ZNF141: variants seen among roughly 807,000 people sequenced by gnomAD.
The protein encoded by ZNF141 is zinc finger protein 141 (clone pHZ-44).
A neutral mutation model predicts 11.3 loss-of-function variants in ZNF141; 7 were observed. The ratio of observed to expected loss-of-function variants is 0.62; its 90% CI spans 0.35 to 1.16. The LOEUF (loss-of-function observed/expected upper bound fraction) is 1.16, where lower values mean the gene tolerates loss of function less well. Among genes scored for constraint, ZNF141 ranks in the 50% most tolerant of loss-of-function variants. The probability of loss-of-function intolerance (pLI) is 0.02; values close to 1 mark genes in which losing one functional copy is unlikely to be tolerated. For missense variants in ZNF141, 535 were observed against 554.0 expected (o/e 0.97, Z 0.34); for synonymous variants, 183 against 190.7 (o/e 0.96, Z 0.33).
rs1721120658 is a variant in ZNF141, at chr4:342,954, G to A, written c.4-828G>A. 23 of 1,512,296 alleles carry A rather than the reference G, an allele frequency of 1.5e-5. 1 individual carries two copies. Among genetic ancestry groups the A allele is most frequent in the Middle Eastern group, 2.0e-4 (1 of 5,128 alleles). 93.7% of individuals were successfully genotyped at this position (1,512,296 alleles called of 1,614,324 possible). A position where few individuals can be genotyped will look rare whatever the true frequency, so the allele number is the denominator to read the frequency against. ...CTACTTCAATTATCTCCTGATCCAA[G>A]GCTGAGACCTTATTTTTTAAAATCA... On this transcript the variant is annotated intron_variant, in intron 1 of 3. Transcript: ENST00000240499.
In ZNF141 at chr4:376,498, T is replaced by C. The variant is rs1712370653; in HGVS notation, c.*2636T>C. On this transcript the variant is annotated 3_prime_UTR_variant, in exon 4 of 4. Coordinates refer to ENST00000240499, the MANE Select transcript of ZNF141 (RefSeq NM_003441.4). ...TTAATTATTTCTAAATGTACAATTA[T>C]GATTGTAGTATTATATCAGTATAAT... is the stretch of plus-strand genomic sequence containing the variant. 1.3e-5 allele frequency among the ~76,000 whole-genome samples: 2 copies of C among 152,130 alleles called. No individual in the cohort carries two copies. Among genetic ancestry groups the C allele is most frequent in the African/African-American group, 4.8e-5 (2 of 41,472 alleles).
intron 2 of ZNF141, 150 bp downstream of exon 2, chr4:344,058 G>C: frequency 8.4e-7 from 1 of 1,183,786 alleles, no homozygotes; most frequent in South Asian, 1.7e-5. Flanking sequence ...CTAGGTTAGT[G>C]GTAATTCTAG....
At chr4:360,722 T>C (rs564446154) in intron 3 of ZNF141, among the ~76,000 whole-genome samples, 1 of 152,290 alleles carries the variant, frequency 6.6e-6, no homozygotes, top group South Asian at 2.1e-4. Context: ...TAAAAAAATA[T>C]ACATAAATAT....
chr4:362,364 C>T (rs950569616), intron 3 of ZNF141, among the ~76,000 whole-genome samples: 1 of 152,174 alleles, frequency 6.6e-6, no homozygotes, highest in Non-Finnish European at 1.5e-5. Context: ...TTTTGCTGTG[C>T]AGAAGCTCTT....
At chr4:348,948 G>A (rs912773439) in intron 3 of ZNF141, among the ~76,000 whole-genome samples, 2 of 151,942 alleles carry the variant, frequency 1.3e-5, no homozygotes, top group South Asian at 2.1e-4. Flanking sequence ...AATGGAATAT[G>A]TTTCCATTTA....
rs192145702 is a variant in ZNF141, at chr4:367,638, T to C, written c.227-5026T>C. Among the ~76,000 whole-genome samples the C allele has an allele frequency of 1.6e-3, 248 of 151,786 alleles. 1 individual carries two copies. The highest frequency in any genetic ancestry group is 5.9e-3 in the African/African-American group (244 of 41,362). On this transcript the variant is annotated intron_variant, in intron 3 of 3. Transcript: ENST00000240499. ...TTCAAGCGATTCTTCTGCCTCAGCC[T>C]CCTGAGTAGCTGGGATTACAGGTGC...
intron 3 of ZNF141, among the ~76,000 whole-genome samples, chr4:371,132 A>T (rs186141232): frequency 3.4e-4 from 51 of 148,542 alleles, no homozygotes; most frequent in African/African-American, 9.3e-4. Context: ...ATATATATAT[A>T]TATTTTAATT....
chr4:366,473 T>C (rs1711747280), intron 3 of ZNF141, among the ~76,000 whole-genome samples: 1 of 151,654 alleles, frequency 6.6e-6, no homozygotes, highest in Admixed American at 6.6e-5. Context: ...CCCACTAATT[T>C]TTGTATTTTT....
chr4:372,116 G>A (rs1466463103), intron 3 of ZNF141, among the ~76,000 whole-genome samples: 3 of 152,154 alleles, frequency 2.0e-5, no homozygotes, highest in African/African-American at 7.2e-5. Flanking sequence ...CTAATCACTT[G>A]TTCTACGTGT....
Position 337,853 on chromosome 4 carries a change from C to T in ZNF141, c.-131C>T, listed in dbSNP as rs996489739. ...CTACTACCAGACCGCGGGTTAGGGG[C>T]TTCATCTCTCTGCGTTCTCAGTTGT... On this transcript the variant is annotated 5_prime_UTR_variant, in exon 1 of 4. Transcript: ENST00000240499. 3 of 1,263,582 alleles carry T rather than the reference C, an allele frequency of 2.4e-6. No individual in the cohort carries two copies. The highest frequency in any genetic ancestry group is 1.7e-5 in the Admixed American group (1 of 57,634). The allele number at this position is 1,263,582 out of a possible 1,614,324, so 78.3% of individuals were successfully genotyped here.
chr4:343,604 A>G (rs1337622007), intron 1 of ZNF141, among the ~76,000 whole-genome samples, 178 bp from the exon 2 acceptor site: 1 of 151,594 alleles, frequency 6.6e-6, no homozygotes, highest in Non-Finnish European at 1.5e-5. Context: ...GGGCACATGT[A>G]GTCCCAGCTA....
chr4:377,392 C>T lies in ZNF141; in HGVS notation c.*3530C>T, dbSNP rs186232565. The stretch of plus-strand genomic sequence containing the variant: ...GCATTAATTGTGCATGTGGAGAGGA[C>T]GTCTGTTCTCAGGCTGCAGAACCAA... On this transcript the variant is annotated 3_prime_UTR_variant, in exon 4 of 4. Coordinates refer to ENST00000240499, the MANE Select transcript of ZNF141 (RefSeq NM_003441.4). Among the ~76,000 whole-genome samples the T allele has an allele frequency of 2.1e-3, 318 of 152,262 alleles. No homozygotes were observed. Among genetic ancestry groups the T allele is most frequent in the Non-Finnish European group, 3.7e-3 (253 of 68,016 alleles).
chr4:343,917 A>T lies in ZNF141; in HGVS notation c.130+9A>T. On this transcript the variant is annotated intron_variant, in intron 2 of 3. Transcript: ENST00000240499. ...GAACCTGGTCTCCCTGGGTGAGGAT[A>T]ACTTCAATACATAATTCCTAATTTT... is the stretch of plus-strand genomic sequence containing the variant. 2 of 1,590,024 alleles carry T rather than the reference A, an allele frequency of 1.3e-6. No individual in the cohort carries two copies. The highest frequency in any genetic ancestry group is 2.7e-5 in the African/African-American group (2 of 73,168).
intron 3 of ZNF141, among the ~76,000 whole-genome samples, chr4:353,636 A>G (rs961766433): frequency 1.3e-5 from 2 of 151,444 alleles, no homozygotes; most frequent in Non-Finnish European, 2.9e-5. Context: ...AATTTTTTGT[A>G]TTTTTAGTAG....
chr4:363,938 A>G (rs923242464), intron 3 of ZNF141, among the ~76,000 whole-genome samples: 6 of 151,958 alleles, frequency 3.9e-5, no homozygotes, highest in African/African-American at 7.3e-5. Context: ...TTCTGCATCT[A>G]TTGAGACAAT....
chr4:346,896 G>A (rs201662903), intron 3 of ZNF141, among the ~76,000 whole-genome samples: 5,111 of 128,780 alleles, frequency 0.04, 312 homozygotes, highest in Non-Finnish European at 0.055. Context: ...CACACACACC[G>A]CCCCCCCCAT....
At chr4:347,662 T>C (rs984248665) in intron 3 of ZNF141, among the ~76,000 whole-genome samples, 2 of 151,754 alleles carry the variant, frequency 1.3e-5, no homozygotes, top group African/African-American at 4.8e-5. Flanking sequence ...TTTTATTCTT[T>C]ACTGTATTTT....
At chr4:339,055 C>G (rs1553848024) in intron 1 of ZNF141, among the ~76,000 whole-genome samples, 1 of 152,222 alleles carries the variant, frequency 6.6e-6, no homozygotes, top group East Asian at 1.9e-4. Context: ...TGCTGCCAGC[C>G]CCCACCCAAT....
rs184856584 is a variant in ZNF141, at chr4:376,056, T to C, written c.*2194T>C. ...AATAAGATACAGTAAATTTTAAAATTATTTTAAGATTATGTGGGAACATAA... is the reference window on the plus strand; with the variant it reads ...AATAAGATACAGTAAATTTTAAAATCATTTTAAGATTATGTGGGAACATAA... On this transcript the variant is annotated 3_prime_UTR_variant, in exon 4 of 4. Coordinates refer to ENST00000240499, the MANE Select transcript of ZNF141 (RefSeq NM_003441.4). 1.5e-4 allele frequency among the ~76,000 whole-genome samples: 23 copies of C among 152,172 alleles called. No homozygotes were observed. In the East Asian group the frequency reaches 2.9e-3, roughly 19 times the overall value.
Sources: allele counts gnomAD v4.1 joint callset (sites outside exome capture counted in the v4.1 genomes callset), GRCh38; gene constraint gnomAD v4.1.1; transcripts MANE v1.5; gene names NCBI Gene and HGNC (gene_info 2026-07-23, HGNC 2026-07-21).